MTFR1: variants seen among roughly 807,000 people sequenced by gnomAD.
The protein encoded by MTFR1 is mitochondrial fission regulator 1, also known as chondrocyte protein with a poly-proline region.
MTFR1 carries 28 observed loss-of-function variants against 38.8 expected under a neutral mutation model. The observed-to-expected ratio is 0.72, with a 90% CI of 0.53 to 0.99. The LOEUF is 0.99. MTFR1 is among the 50% of genes least tolerant of loss of function. The pLI is 0.00. For missense variants in MTFR1, 358 were observed against 395.5 expected, an observed-to-expected ratio of 0.91 and a Z score of 0.81; for synonymous variants, 145 against 137.0, an observed-to-expected ratio of 1.06 and a Z score of -0.41.
intron 3 of MTFR1, chr8:65,745,585 T>C: frequency 1.6e-6 from 1 of 620,480 alleles, no homozygotes; most frequent in Non-Finnish European, 2.8e-6. Flanking sequence ...CTTTAAAAAA[T>C]ACAAGTATCA....
chr8:65,651,139 A>T (rs1809112978), intron 1 of MTFR1, among the ~76,000 whole-genome samples: 1 of 152,150 alleles, frequency 6.6e-6, no homozygotes. Flanking sequence ...TTTGAATTAG[A>T]TTATTCGATT....
chr8:65,650,030 G>T (rs1178586704), intron 1 of MTFR1, among the ~76,000 whole-genome samples: 1 of 151,422 alleles, frequency 6.6e-6, no homozygotes, highest in Non-Finnish European at 1.5e-5. Flanking sequence ...GTAGAGATGG[G>T]GTTTCACTAC....
At chr8:65,721,240 T>G (rs748082221) in intron 3 of MTFR1, among the ~76,000 whole-genome samples, 4 of 152,200 alleles carry the variant, frequency 2.6e-5, no homozygotes, top group Admixed American at 6.5e-5. Flanking sequence ...CAGGACGCCT[T>G]GTCAAATGCC....
chr8:65,725,006 A>AGGCT lies in MTFR1; in HGVS notation c.*48+5526_*48+5529dup, dbSNP rs1337524229. The AGGCT allele has an allele frequency of 2.3e-5, 18 of 775,622 alleles. No homozygotes were observed. The East Asian group carries it at 4.5e-4, about 19-fold the overall frequency. The allele number at this position is 775,622 out of a possible 1,614,324, so 48.0% of individuals were successfully genotyped here. On this transcript the variant is annotated intron_variant, in intron 3 of 3. Coordinates refer to the MTFR1 transcript ENST00000521247. Reference sequence around the variant, plus strand: ...TTTTTTCTTAACCATAATAATCGGAAGGCTTTATAGAACCCTAAAATATCC... The same window carrying AGGCT: ...TTTTTTCTTAACCATAATAATCGGAAGGCTGGCTTTATAGAACCCTAAAATATCC...
the MTFR1 span, among the ~76,000 whole-genome samples, chr8:65,776,613 T>C: frequency 6.6e-6 from 1 of 152,218 alleles, no homozygotes; most frequent in Non-Finnish European, 1.5e-5. Context: ...TGTAGAGTTA[T>C]ACATATCTTT....
At chr8:65,751,879 T>C (rs946501882) in intron 3 of MTFR1, among the ~76,000 whole-genome samples, 3 of 152,242 alleles carry the variant, frequency 2.0e-5, no homozygotes, top group Non-Finnish European at 4.4e-5. Context: ...TACAACCTGT[T>C]CTGCATCTTG....
At chr8:65,667,452 A>G (rs1804415508) in intron 1 of MTFR1, among the ~76,000 whole-genome samples, 1 of 150,784 alleles carries the variant, frequency 6.6e-6, no homozygotes, top group Non-Finnish European at 1.5e-5. Flanking sequence ...TTTGAGATGT[A>G]GTTATGCTCT....
exon 4 of MTFR1, chr8:65,770,975 G>T (rs1054134627): frequency 1.0e-5 from 3 of 299,094 alleles, no homozygotes; most frequent in Non-Finnish European, 2.0e-5. Flanking sequence ...AGAACCTGCT[G>T]GACAAGAAGG....
chr8:65,661,394 T>G (rs1289417060), intron 1 of MTFR1, among the ~76,000 whole-genome samples: 1 of 152,170 alleles, frequency 6.6e-6, no homozygotes, highest in Non-Finnish European at 1.5e-5. Flanking sequence ...CCCCAGCACT[T>G]TGGGAGGCTG....
At chr8:65,708,117 G>A in intron 7 of MTFR1, 106 bp downstream of exon 7, 1 of 1,600,890 alleles carries the variant, frequency 6.2e-7, no homozygotes, top group Non-Finnish European at 8.5e-7. Context: ...AAGTTCCAAA[G>A]GGAGGTGATA....
At chr8:65,774,304 A>G (rs1809195157), downstream of MTFR1, among the ~76,000 whole-genome samples, 1 of 132,774 alleles carries the variant, frequency 7.5e-6, no homozygotes, top group African/African-American at 3.6e-5. Context: ...TTGTACTGAC[A>G]TTTATAGTGA....
chr8:65,661,020 A>G (rs923740663), intron 1 of MTFR1, among the ~76,000 whole-genome samples: 1 of 152,254 alleles, frequency 6.6e-6, no homozygotes, highest in Non-Finnish European at 1.5e-5. Flanking sequence ...GGAAAAGGCA[A>G]AACTATGGAG....
chr8:65,704,685 TC>T lies in MTFR1; in HGVS notation c.282-7del, dbSNP rs1185891281. On this transcript the variant is annotated splice_region_variant and splice_polypyrimidine_tract_variant and intron_variant, in intron 4 of 7. Transcript: ENST00000262146. ...GCCTGTGACAGCCCACCTTATGTCT[TC>T]CTTGCAGGACAGAGGTCAGATCAAG... is the stretch of plus-strand genomic sequence containing the variant. The T allele has an allele frequency of 9.3e-6, 15 of 1,612,766 alleles. No individual in the cohort carries two copies. Among genetic ancestry groups the T allele is most frequent in the Non-Finnish European group, 1.3e-5 (15 of 1,179,022 alleles).
At chr8:65,682,327 G>C (rs1332805555) in intron 2 of MTFR1, 26 bp from the exon 3 acceptor site, 2 of 1,268,438 alleles carry the variant, frequency 1.6e-6, no homozygotes, top group Non-Finnish European at 2.2e-6. Context: ...TTGTAATTAA[G>C]CTTTCGGTTT....
chr8:65,705,589 T>C (rs900919846), intron 5 of MTFR1, among the ~76,000 whole-genome samples: 1 of 152,172 alleles, frequency 6.6e-6, no homozygotes, highest in Non-Finnish European at 1.5e-5. Flanking sequence ...TGGGTTGCTA[T>C]CTACTTGGTG....
intron 1 of MTFR1, among the ~76,000 whole-genome samples, chr8:65,644,986 G>A (rs1808910330): frequency 6.6e-6 from 1 of 152,252 alleles, no homozygotes; most frequent in Non-Finnish European, 1.5e-5. Flanking sequence ...CTCGGCTGAG[G>A]GCGCGTGGGT....
chr8:65,690,365 C>A (rs1379721319), intron 3 of MTFR1, among the ~76,000 whole-genome samples: 1 of 151,854 alleles, frequency 6.6e-6, no homozygotes, highest in Non-Finnish European at 1.5e-5. Flanking sequence ...CGATACCCCC[C>A]ATCTCTACCA....
downstream of MTFR1, among the ~76,000 whole-genome samples, chr8:65,773,264 A>G (rs936220457): frequency 4.0e-4 from 61 of 152,118 alleles, no homozygotes; most frequent in African/African-American, 1.4e-3. Context: ...AGAATAATGC[A>G]TTTTTCTCTA....
chr8:65,646,529 A>G (rs1808969054), intron 1 of MTFR1, among the ~76,000 whole-genome samples: 1 of 152,228 alleles, frequency 6.6e-6, no homozygotes, highest in South Asian at 2.1e-4. Flanking sequence ...AAAGATTATT[A>G]CAACTAAATT....
Sources: allele counts gnomAD v4.1 joint callset (sites outside exome capture counted in the v4.1 genomes callset), GRCh38; gene constraint gnomAD v4.1.1; transcripts MANE v1.5; gene names NCBI Gene and HGNC (gene_info 2026-07-23, HGNC 2026-07-21).